The following COL4A5 variants were observed in gnomAD, a reference collection of about 807,000 sequenced individuals.
COL4A5 encodes collagen alpha-5(IV) chain.
COL4A5 carries 26 observed loss-of-function variants against 130.2 expected under a neutral mutation model. The ratio of observed to expected loss-of-function variants is 0.20; its 90% confidence interval spans 0.15 to 0.28. The LOEUF (loss-of-function observed/expected upper bound fraction) is 0.28. Ranked by LOEUF, COL4A5 falls within the 10% of genes least tolerant of loss-of-function variation. The pLI is 1.00. For synonymous variants in COL4A5, 496 were observed against 439.6 expected (o/e 1.13, Z -1.60); for missense variants, 1,131 against 1,344.3 (o/e 0.84, Z 2.48).
intron 1 of COL4A5, among the ~76,000 whole-genome samples, chrX:108,524,539 T>C (rs766999440): frequency 2.7e-5 from 3 of 111,158 alleles, no homozygotes; most frequent in East Asian, 5.7e-4. Flanking sequence ...TTCTTTCTAC[T>C]TGTTTTGGGG....
intron 2 of COL4A5, among the ~76,000 whole-genome samples, chrX:108,544,895 G>C (rs746471056): frequency 2.7e-5 from 3 of 111,870 alleles, no homozygotes; most frequent in Admixed American, 9.5e-5. Flanking sequence ...GTTTATTTGC[G>C]TAGAGGTGTT....
intron 36 of COL4A5, among the ~76,000 whole-genome samples, chrX:108,651,166 C>T (rs180729094): frequency 6.9e-4 from 77 of 110,810 alleles, no homozygotes; most frequent in African/African-American, 2.3e-3. Context: ...GGTTTTGCTA[C>T]GGCTTGGAGG....
intron 36 of COL4A5, among the ~76,000 whole-genome samples, chrX:108,636,086 G>C (rs1043421833): frequency 9.0e-6 from 1 of 111,688 alleles, no homozygotes; most frequent in Admixed American, 9.5e-5. Context: ...ATATACCCAT[G>C]TAACACACCT....
chrX:108,550,816 G>A (rs2065741929), intron 2 of COL4A5, among the ~76,000 whole-genome samples: 1 of 111,850 alleles, frequency 8.9e-6, no homozygotes, highest in Non-Finnish European at 1.9e-5. Context: ...TTATAAGTGA[G>A]TTTAGAAAGA....
chrX:108,645,502 C>T (rs1346417595), intron 36 of COL4A5, among the ~76,000 whole-genome samples: 1 of 109,439 alleles, frequency 9.1e-6, no homozygotes, highest in African/African-American at 3.3e-5. Flanking sequence ...AAATAAAACC[C>T]TCCCATCTTT....
At chrX:108,609,969 T>TA (rs78482851) in intron 29 of COL4A5, among the ~76,000 whole-genome samples, 1,798 of 98,566 alleles carry the variant, frequency 0.018, 26 homozygotes, top group East Asian at 0.068. Context: ...ACTTTATTCT[T>TA]AAAAAAAAAA....
rs770644556 is a variant in COL4A5, at chrX:108,680,251, G to GGGAGATCCTGTGACACTTTTACA, written c.3943-427_3943-405dup. Among the ~76,000 whole-genome samples the GGGAGATCCTGTGACACTTTTACA allele has an allele frequency of 5.4e-5, 6 of 111,853 alleles. No homozygotes were observed. The East Asian group carries it at 1.4e-3, about 26-fold the overall frequency. On this transcript the variant is annotated intron_variant, in intron 44 of 52. Coordinates refer to ENST00000328300, the MANE Select transcript of COL4A5 (RefSeq NM_033380.3). Reference sequence around the variant, plus strand: ...CAGTGGTTTGACTTGATTGTACAAAGGGAGATCCTGTGACACTTTTACAAC... The same window carrying GGGAGATCCTGTGACACTTTTACA: ...CAGTGGTTTGACTTGATTGTACAAAGGGAGATCCTGTGACACTTTTACAGGAGATCCTGTGACACTTTTACAAC...
At chrX:108,655,718 C>T (rs1166746193) in intron 37 of COL4A5, among the ~76,000 whole-genome samples, 1 of 112,607 alleles carries the variant, frequency 8.9e-6, no homozygotes, top group African/African-American at 3.2e-5. Context: ...CAATCTTTGA[C>T]TGCTAGCCAC....
chrX:108,578,406 A>G (rs1371711201), intron 13 of COL4A5, 23 bp downstream of exon 13: 1 of 1,078,703 alleles, frequency 9.3e-7, no homozygotes, highest in Non-Finnish European at 1.3e-6. Context: ...GGAGGAAGTC[A>G]ATGAAAATCT....
chrX:108,521,785 A>G (rs1256667270), intron 1 of COL4A5, among the ~76,000 whole-genome samples: 2 of 111,527 alleles, frequency 1.8e-5, no homozygotes, highest in African/African-American at 6.5e-5. Flanking sequence ...TTTTTACTTC[A>G]TTGCACTGAT....
chrX:108,640,891 A>G (rs1172829222), intron 36 of COL4A5, among the ~76,000 whole-genome samples: 2 of 111,921 alleles, frequency 1.8e-5, no homozygotes, highest in Non-Finnish European at 1.9e-5. Context: ...AAAATAAAAT[A>G]TTTTTAAGTG....
At chrX:108,537,687 C>G (rs1303804389) in intron 1 of COL4A5, among the ~76,000 whole-genome samples, 1 of 111,856 alleles carries the variant, frequency 8.9e-6, no homozygotes, top group African/African-American at 3.2e-5. Context: ...GTCTTCTACT[C>G]GCAACAACAA....
In COL4A5 at chrX:108,561,423, C is replaced by T. The variant is rs1194613661; in HGVS notation, c.231+2270C>T. On this transcript the variant is annotated intron_variant, in intron 3 of 52. Coordinates refer to ENST00000328300, the MANE Select transcript of COL4A5 (RefSeq NM_033380.3). ...TTGACTGCCATGTGGGCAGTCTGTC[C>T]TATACCATGAGCAAGAATAGCATCT... is the stretch of plus-strand genomic sequence containing the variant. 2.7e-5 allele frequency among the ~76,000 whole-genome samples: 3 copies of T among 110,676 alleles called. 1 individual carries two copies. Among genetic ancestry groups the T allele is most frequent in the African/African-American group, 9.9e-5 (3 of 30,394 alleles).
intron 1 of COL4A5, among the ~76,000 whole-genome samples, chrX:108,460,656 ATTTT>A (rs751991149): frequency 0.068 from 2,672 of 39,273 alleles, 223 homozygotes; most frequent in African/African-American, 0.26. Context: ...CGCCTGGCAA[ATTTT>A]TTTTTTTTTT....
At chrX:108,659,871 A>G (rs963246461) in intron 37 of COL4A5, among the ~76,000 whole-genome samples, 2 of 110,892 alleles carry the variant, frequency 1.8e-5, no homozygotes, top group Admixed American at 1.9e-4. Context: ...TGTTTAGTTG[A>G]TTTATATTTA....
intron 33 of COL4A5, among the ~76,000 whole-genome samples, 175 bp downstream of exon 33, chrX:108,623,000 TTTTG>T (rs2067086440): frequency 8.9e-6 from 1 of 112,471 alleles, no homozygotes. Flanking sequence ...ACCAGTCAAC[TTTTG>T]TTTGAGTATT....
At chrX:108,660,332 A>T (rs779315975) in intron 37 of COL4A5, among the ~76,000 whole-genome samples, 16 of 110,973 alleles carry the variant, frequency 1.4e-4, no homozygotes, top group African/African-American at 5.2e-4. Context: ...TTACATTTCT[A>T]CTCTTCTACC....
chrX:108,526,589 CTCCCTCCTTTCTTTCT>C lies in COL4A5; in HGVS notation c.82-13155_82-13140del, dbSNP rs1348645178. On this transcript the variant is annotated intron_variant, in intron 1 of 52. Transcript: ENST00000328300. ...CTTCCTTTCCTCCCTCCCTCCCTCC[CTCCCTCCTTTCTTTCT>C]TTCTTTCTTTCTTTCTTTCTTTCTT... 1.7e-4 allele frequency among the ~76,000 whole-genome samples: 11 copies of C among 64,334 alleles called. 1 individual carries two copies. The highest frequency in any genetic ancestry group is 6.8e-4 in the African/African-American group (11 of 16,191). The allele number at this position is 64,334 out of a possible 115,157, so 55.9% of individuals were successfully genotyped here. A position where few individuals can be genotyped will look rare whatever the true frequency, so the allele number is the denominator to read the frequency against.
intron 2 of COL4A5, among the ~76,000 whole-genome samples, chrX:108,549,064 G>A (rs1282987311): frequency 2.7e-5 from 3 of 111,469 alleles, no homozygotes; most frequent in Admixed American, 9.6e-5. Context: ...GTGTAAATGC[G>A]GGTAAATATA....
Sources: allele counts gnomAD v4.1 joint callset (sites outside exome capture counted in the v4.1 genomes callset), GRCh38; gene constraint gnomAD v4.1.1; transcripts MANE v1.5; gene names NCBI Gene and HGNC (gene_info 2026-07-23, HGNC 2026-07-21).